Variants in SPPL2A observed in about 807,000 individuals in gnomAD.
The protein encoded by SPPL2A is signal peptide peptidase-like 2A.
SPPL2A carries 51 observed loss-of-function variants against 63.8 expected under a neutral mutation model. That is an observed-to-expected ratio of 0.80 (90% CI 0.64 to 1.01). The LOEUF (loss-of-function observed/expected upper bound fraction) is 1.01, where lower values mean the gene tolerates loss of function less well. SPPL2A is among the 50% of genes least tolerant of loss of function. The pLI is 0.00. For missense variants in SPPL2A, 553 were observed against 622.7 expected (o/e 0.89, Z 1.19); for synonymous variants, 188 against 205.8 (o/e 0.91, Z 0.74).
At chr15:50,747,314 C>T (rs1162207484) in intron 5 of SPPL2A, among the ~76,000 whole-genome samples, 181 bp downstream of exon 5, 1 of 152,148 alleles carries the variant, frequency 6.6e-6, no homozygotes, top group East Asian at 1.9e-4. Flanking sequence ...TTAGAGAAAT[C>T]TGTGACTCTT....
intron 8 of SPPL2A, among the ~76,000 whole-genome samples, chr15:50,734,818 A>C (rs1403303706): frequency 6.6e-6 from 1 of 152,246 alleles, no homozygotes; most frequent in East Asian, 1.9e-4. Flanking sequence ...ATGTTCCCAT[A>C]ATAATTAAAA....
At position 50,703,306 on chromosome 15, in the gene SPPL2A, A is replaced by G. The variant is rs1439610389; in HGVS notation, c.*4494T>C. The G allele has an allele frequency of 7.0e-6, 1 of 143,418 alleles. No homozygotes were observed. The highest frequency in any genetic ancestry group is 1.5e-5 in the Non-Finnish European group (1 of 66,434). The allele number at this position is 143,418 out of a possible 1,614,324, so 8.9% of individuals were successfully genotyped here. ...CTGAAATTTTAGAGATTAAGCCTAA[A>G]TAAATTAGTTCATATATACATATAT... On this transcript the variant is annotated 3_prime_UTR_variant, in exon 15 of 15. Transcript: ENST00000261854.
At chr15:50,757,738 A>G (rs1488380529) in intron 1 of SPPL2A, among the ~76,000 whole-genome samples, 5 of 152,150 alleles carry the variant, frequency 3.3e-5, no homozygotes, top group African/African-American at 1.2e-4. Flanking sequence ...ACTGACTTCA[A>G]TCATATTCCC....
rs961973197 is a variant in SPPL2A, at chr15:50,706,232, C to G, written c.*1568G>C. The G allele has an allele frequency of 6.6e-6, 1 of 150,884 alleles. No individual in the cohort carries two copies. The highest frequency in any genetic ancestry group is 1.5e-5 in the Non-Finnish European group (1 of 67,728). 9.3% of individuals were successfully genotyped at this position (150,884 alleles called of 1,614,324 possible). On this transcript the variant is annotated 3_prime_UTR_variant, in exon 15 of 15. Transcript: ENST00000261854. ...CGGTGAAACCCCGTCTCTACTAAAACTACAAAAAATAGCCGGGCGTAGTGG... is the reference window on the plus strand; with the variant it reads ...CGGTGAAACCCCGTCTCTACTAAAAGTACAAAAAATAGCCGGGCGTAGTGG...
At chr15:50,750,164 C>T (rs1404539215) in intron 1 of SPPL2A, among the ~76,000 whole-genome samples, 2 of 152,100 alleles carry the variant, frequency 1.3e-5, no homozygotes, top group Non-Finnish European at 2.9e-5. Context: ...AGTGCAGTAG[C>T]ACAATCTTGG....
At chr15:50,753,433 C>T (rs910826230) in intron 1 of SPPL2A, among the ~76,000 whole-genome samples, 9 of 152,114 alleles carry the variant, frequency 5.9e-5, no homozygotes, top group African/African-American at 1.9e-4. Context: ...ATTCAGTTTA[C>T]TACAATAGAT....
intron 11 of SPPL2A, 67 bp from the exon 12 acceptor site, chr15:50,725,390 T>G: frequency 4.9e-6 from 4 of 818,880 alleles, no homozygotes; most frequent in Non-Finnish European, 8.2e-6. Context: ...GCCAATGAAC[T>G]TCTTGGCAAT....
rs201715278 is a variant in SPPL2A at position 50,720,119 on chromosome 15, G to A, written c.1328-19C>T. The A allele has an allele frequency of 3.8e-6, 6 of 1,588,200 alleles. No individual in the cohort carries two copies. The highest frequency in any genetic ancestry group is 5.1e-6 in the Non-Finnish European group (6 of 1,170,126). ...GCATAGGCTGCAAGAAGAATACCAAGCTATAAGTCATTTCTACATGTTACC... is the reference window on the plus strand; with the variant it reads ...GCATAGGCTGCAAGAAGAATACCAAACTATAAGTCATTTCTACATGTTACC... On this transcript the variant is annotated intron_variant, in intron 13 of 14. Coordinates refer to ENST00000261854, the MANE Select transcript of SPPL2A (RefSeq NM_032802.4).
chr15:50,728,465 A>T (rs539745489), intron 10 of SPPL2A, among the ~76,000 whole-genome samples: 3 of 147,578 alleles, frequency 2.0e-5, no homozygotes, highest in South Asian at 4.3e-4. Context: ...TGCCTCAGCC[A>T]CCCAAGTAGC....
At position 50,748,204 on chromosome 15, in the gene SPPL2A, T is replaced by TA; in HGVS notation, c.361-3dup. On this transcript the variant is annotated splice_polypyrimidine_tract_variant and splice_region_variant and intron_variant, in intron 3 of 14. Coordinates refer to ENST00000261854, the MANE Select transcript of SPPL2A (RefSeq NM_032802.4). Reference sequence around the variant, plus strand: ...AGATCTGTTACCTGAGGGAGGAAACTAAAAAAGAAAAAATTATGAAAACTT... The same window carrying TA: ...AGATCTGTTACCTGAGGGAGGAAACTAAAAAAAGAAAAAATTATGAAAACTT... 2.2e-6 allele frequency: 3 copies of TA among 1,368,322 alleles called. No individual in the cohort carries two copies. The highest frequency in any genetic ancestry group is 2.5e-4 in the Middle Eastern group (1 of 3,984). 84.8% of individuals were successfully genotyped at this position (1,368,322 alleles called of 1,614,324 possible). A position where few individuals can be genotyped will look rare whatever the true frequency, so the allele number is the denominator to read the frequency against.
intron 1 of SPPL2A, among the ~76,000 whole-genome samples, chr15:50,755,687 C>G: frequency 6.6e-6 from 1 of 151,004 alleles, no homozygotes. Flanking sequence ...TTCTTGGGCC[C>G]CATTCCAGAC....
chr15:50,738,491 G>C, intron 6 of SPPL2A, among the ~76,000 whole-genome samples: 1 of 151,388 alleles, frequency 6.6e-6, no homozygotes, highest in Non-Finnish European at 1.5e-5. Flanking sequence ...GGAGGTTGCA[G>C]TGAGCCAAGA....
At chr15:50,761,596 A>G (rs536750026) in intron 1 of SPPL2A, among the ~76,000 whole-genome samples, 7 of 152,084 alleles carry the variant, frequency 4.6e-5, no homozygotes, top group Non-Finnish European at 8.8e-5. Context: ...AGCCTGGGCA[A>G]CAAGAGTGAA....
Position 50,726,346 on chromosome 15 carries a change from G to C in SPPL2A, c.1121C>G (p.Ala374Gly). ...NGESIMVELA[A>G]GPFGNNEKLP... is the part of the protein sequence containing the mutation. ...CTTTTCATTATTTCCAAAAGGTCCAGCTGCGAGTTCAACCATGATACTCTC... is the reference window on the plus strand; with the variant it reads ...CTTTTCATTATTTCCAAAAGGTCCACCTGCGAGTTCAACCATGATACTCTC... Residue 374 changes from alanine to glycine, a missense_variant, in exon 11 of 15, where the codon GCT becomes GGT. Physicochemically the swap from Ala to Gly is moderately conservative, Grantham distance 60. Transcript: ENST00000261854. The C allele has an allele frequency of 6.2e-7, 1 of 1,614,064 alleles. No homozygotes were observed. Among genetic ancestry groups the C allele is most frequent in the Non-Finnish European group, 8.5e-7 (1 of 1,179,952 alleles).
At chr15:50,741,141 A>AT (rs2062816721) in intron 5 of SPPL2A, among the ~76,000 whole-genome samples, 1 of 152,066 alleles carries the variant, frequency 6.6e-6, no homozygotes, top group Non-Finnish European at 1.5e-5. Flanking sequence ...TTTGTTGGGC[A>AT]ATCTCTCTTG....
chr15:50,737,664 G>C (rs1441084662), intron 6 of SPPL2A, among the ~76,000 whole-genome samples: 1 of 152,048 alleles, frequency 6.6e-6, no homozygotes, highest in Non-Finnish European at 1.5e-5. Flanking sequence ...TGTTGGCCAG[G>C]CTGCTCTTGA....
At position 50,722,183 on chromosome 15, in the gene SPPL2A, C is replaced by G. The variant is rs557147371; in HGVS notation, c.1268G>C (p.Cys423Ser). ...ACCAGTCTGAACATCAAATCTTCTA[C>G]AGTATGCAATCAACAGGCCTTAAAA... ...IIVPGLLIAY[C>S]RRFDVQTGSS... The change falls in exon 13 of 15, where the codon TGT becomes TCT. Residue 423 changes from cysteine to serine, a missense_variant. By Grantham distance (112) the Cys-to-Ser change is moderately radical. Transcript: ENST00000261854. 24 of 1,593,122 alleles carry G rather than the reference C, an allele frequency of 1.5e-5. No homozygotes were observed. Among genetic ancestry groups the G allele is most frequent in the South Asian group, 1.4e-4 (13 of 90,758 alleles).
rs772099878 is a variant in SPPL2A, at chr15:50,719,969, T to G, written c.1459A>C (p.Lys487Gln). 11 of 1,613,588 alleles carry G rather than the reference T, an allele frequency of 6.8e-6. No individual in the cohort carries two copies. The Admixed American group carries it at 1.8e-4, about 27-fold the overall frequency. Residue 487 changes from lysine to glutamine, a missense_variant, in exon 14 of 15, where the codon AAA becomes CAA. Transcript: ENST00000261854. The stretch of plus-strand genomic sequence containing the variant: ...TAGCTGTTACCTTTCCAGAACTTTT[T>G]CATTTCCTTACGTCTCCAGGCAACA... ...SVVAWRRKEM[K>Q]KFWKGNSYQM...
chr15:50,720,212 T>A, intron 13 of SPPL2A, 112 bp from the exon 14 acceptor site: 1 of 773,632 alleles, frequency 1.3e-6, no homozygotes, highest in Non-Finnish European at 2.0e-6. Flanking sequence ...ATTTTTGCTC[T>A]ATGACTTCTT....
Sources: gnomAD v4.1 joint callset for allele counts (sites outside exome capture counted in the v4.1 genomes callset) on GRCh38, gnomAD v4.1.1 for gene constraint, MANE v1.5 for transcripts, NCBI Gene and HGNC (gene_info 2026-07-23, HGNC 2026-07-21) for gene names.